The following PPP4R3A variants were observed in gnomAD, a reference collection of about 807,000 sequenced individuals.
PPP4R3A encodes the protein protein phosphatase 4 regulatory subunit 3A, also known as serine/threonine-protein phosphatase 4 regulatory subunit 3A.
PPP4R3A carries 15 observed loss-of-function variants against 91.7 expected under a neutral mutation model. The ratio of observed to expected loss-of-function variants is 0.16; its 90% CI spans 0.11 to 0.25. The LOEUF (loss-of-function observed/expected upper bound fraction) is 0.25, where lower values mean the gene tolerates loss of function less well. PPP4R3A is among the 10% of genes least tolerant of loss of function. PPP4R3A has a pLI of 1.00. For synonymous variants in PPP4R3A, 377 were observed against 348.7 expected, an observed-to-expected ratio of 1.08 and a Z score of -0.91; for missense variants, 623 against 998.4, an observed-to-expected ratio of 0.62 and a Z score of 5.07.
chr14:91,468,329 C>G (rs914717935), intron 10 of PPP4R3A, among the ~76,000 whole-genome samples: 4 of 152,146 alleles, frequency 2.6e-5, no homozygotes, highest in African/African-American at 9.7e-5. Flanking sequence ...ATGAACTGAA[C>G]TAAAGAAAAG....
At chr14:91,507,712 CTT>C (rs1156314341) in intron 1 of PPP4R3A, among the ~76,000 whole-genome samples, 1 of 70,016 alleles carries the variant, frequency 1.4e-5, no homozygotes, top group African/African-American at 5.7e-5. Flanking sequence ...CGACATTAAA[CTT>C]TTATACTTAA....
intron 1 of PPP4R3A, among the ~76,000 whole-genome samples, chr14:91,497,312 C>T (rs1278470669): frequency 6.6e-6 from 1 of 150,602 alleles, no homozygotes; most frequent in African/African-American, 2.4e-5. Flanking sequence ...GAAACAGATG[C>T]CCTTATCTCC....
In PPP4R3A at chr14:91,509,583, C is replaced by T; in HGVS notation, c.65G>A (p.Arg22Gln). Reference sequence around the variant, plus strand: ...GCCAGACGACACATGCCCGGTGCCCCGGTCGTCCCACTGCCGGTCCTCGTT... The same window carrying T: ...GCCAGACGACACATGCCCGGTGCCCTGGTCGTCCCACTGCCGGTCCTCGTT... ...TLNEDRQWDD[R>Q]GTGHVSSGYV... is the part of the protein sequence containing the mutation. Residue 22 changes from arginine to glutamine, a missense_variant, in exon 1 of 15, where the codon CGG becomes CAG. Physicochemically the swap from Arg to Gln is conservative, Grantham distance 43. This residue lies in a region of PPP4R3A where 51 missense variants were observed against 81.8 expected (regional missense o/e 0.62). Coordinates refer to ENST00000554943, the MANE Select transcript of PPP4R3A (RefSeq NM_001366432.2). 6.2e-7 allele frequency: 1 copy of T among 1,602,964 alleles called. No individual in the cohort carries two copies. The highest frequency in any genetic ancestry group is 8.5e-7 in the Non-Finnish European group (1 of 1,178,998).
intron 4 of PPP4R3A, among the ~76,000 whole-genome samples, chr14:91,479,503 G>A (rs1319787464): frequency 6.6e-6 from 1 of 151,110 alleles, no homozygotes; most frequent in Non-Finnish European, 1.5e-5. Flanking sequence ...ACATGGCTGG[G>A]ATTATAGGCA....
chr14:91,508,510 AACTT>A (rs1891552958), intron 1 of PPP4R3A, among the ~76,000 whole-genome samples: 1 of 152,228 alleles, frequency 6.6e-6, no homozygotes, highest in African/African-American at 2.4e-5. Context: ...AGTGGAAGAT[AACTT>A]ACTTTCACGT....
intron 9 of PPP4R3A, among the ~76,000 whole-genome samples, chr14:91,472,284 C>T (rs1567149614): frequency 6.6e-6 from 1 of 151,996 alleles, no homozygotes; most frequent in African/African-American, 2.4e-5. Context: ...AATCCTAGCT[C>T]TGTCTATACA....
chr14:91,474,322 T>C (rs553038033), intron 7 of PPP4R3A, among the ~76,000 whole-genome samples: 1 of 152,234 alleles, frequency 6.6e-6, no homozygotes, highest in South Asian at 2.1e-4. Context: ...CTCACCTAAG[T>C]AGTAAATAAG....
At chr14:91,471,101 AATAT>A in intron 9 of PPP4R3A, 106 bp from the exon 10 acceptor site, 1 of 1,068,030 alleles carries the variant, frequency 9.4e-7, no homozygotes. Context: ...TATTAACCTA[AATAT>A]ATTAACTTTA....
At chr14:91,466,273 C>T in intron 10 of PPP4R3A, 1 of 985,862 alleles carries the variant, frequency 1.0e-6, no homozygotes, top group Non-Finnish European at 1.2e-6. Flanking sequence ...CATGCAGTCA[C>T]ATCGTCTTCG....
chr14:91,459,579 C>T (rs1322200993), intron 14 of PPP4R3A, among the ~76,000 whole-genome samples: 1 of 151,990 alleles, frequency 6.6e-6, no homozygotes, highest in Non-Finnish European at 1.5e-5. Context: ...GTAATTCCAG[C>T]ACTTTGGGAG....
At chr14:91,489,643 G>A (rs1306758790) in intron 2 of PPP4R3A, among the ~76,000 whole-genome samples, 1 of 152,050 alleles carries the variant, frequency 6.6e-6, no homozygotes, top group African/African-American at 2.4e-5. Context: ...CTTAAGATGT[G>A]CTTTTACTCT....
chr14:91,497,012 T>A (rs2140148320), intron 1 of PPP4R3A, among the ~76,000 whole-genome samples: 1 of 152,260 alleles, frequency 6.6e-6, no homozygotes, highest in Admixed American at 6.5e-5. Flanking sequence ...GCTACAGTAT[T>A]AGGCACAGTA....
At chr14:91,461,269 G>C in intron 14 of PPP4R3A, 112 bp downstream of exon 14, 1 of 942,884 alleles carries the variant, frequency 1.1e-6, no homozygotes, top group Non-Finnish European at 1.6e-6. Flanking sequence ...TCTAGTTCAG[G>C]GATGTTAAAT....
chr14:91,478,238 C>T (rs1257605189), intron 4 of PPP4R3A, among the ~76,000 whole-genome samples: 1 of 152,184 alleles, frequency 6.6e-6, no homozygotes, highest in Non-Finnish European at 1.5e-5. Flanking sequence ...GACACATCTC[C>T]AATATACTAT....
rs1263168352 is a variant in PPP4R3A, at chr14:91,462,754, C to T, written c.1954G>A (p.Asp652Asn). The change falls in exon 12 of 15, where the codon GAT (aspartate) becomes AAT (asparagine). Residue 652 changes from aspartate (D) to asparagine (N), a missense_variant. Asp to Asn is a conservative substitution (Grantham distance 23). Around this residue, in one of 5 missense-constraint regions of PPP4R3A, gnomAD observed 201 missense variants for 229.9 expected, o/e 0.87. Transcript: ENST00000554943. ...ATTTACCTGTCAAGTTTGGGATTAT[C>T]TTGCCTTTCTCTTTGTTGTTCAAAT... ...LRFEQQRERQ[D>N]NPKLDSMRSI... 2 of 1,613,676 alleles carry T rather than the reference C, an allele frequency of 1.2e-6. No homozygotes were observed. Among genetic ancestry groups the T allele is most frequent in the East Asian group, 2.2e-5 (1 of 44,788 alleles).
chr14:91,507,640 A>ATATATATATATACACGGAATATATATAGT (rs201065747), intron 1 of PPP4R3A, among the ~76,000 whole-genome samples: 11 of 129,862 alleles, frequency 8.5e-5, no homozygotes, highest in African/African-American at 2.6e-4. Context: ...ATACTATAAT[A>ATATATATATATACACGGAATATATATAGT]ATATATACAC....
rs759027533 is a variant in PPP4R3A at position 91,458,909 on chromosome 14, AAC to A, written c.2392-42_2392-41del. ...GGATTATTTAAAGAACAGAAAATAA[AAC>A]ATATAAAAACACTGGTGTTTTCTGG... On this transcript the variant is annotated intron_variant, in intron 14 of 14. Transcript: ENST00000554943. 4 of 1,532,594 alleles carry A rather than the reference AAC, an allele frequency of 2.6e-6. No individual in the cohort carries two copies. In the African/African-American group the frequency reaches 5.6e-5, roughly 21 times the overall value. The allele number at this position is 1,532,594 out of a possible 1,614,324, so 94.9% of individuals were successfully genotyped here.
chr14:91,492,665 A>G (rs1386078089), intron 1 of PPP4R3A, among the ~76,000 whole-genome samples: 2 of 152,008 alleles, frequency 1.3e-5, no homozygotes, highest in Non-Finnish European at 2.9e-5. Flanking sequence ...AACATTCACC[A>G]TATTATTTTT....
chr14:91,475,028 A>C lies in PPP4R3A; in HGVS notation c.1266+783T>G, dbSNP rs1024473546. On this transcript the variant is annotated intron_variant, in intron 7 of 14. Coordinates refer to ENST00000554943, the MANE Select transcript of PPP4R3A (RefSeq NM_001366432.2). ...AGACAGTCTATTTTCCTATTTCGTA[A>C]AAATACCACAGGCTGGAATTCTAAA... 4.6e-5 allele frequency: 7 copies of C among 152,274 alleles called. No homozygotes were observed. In the East Asian group the frequency reaches 1.3e-3, roughly 29 times the overall value. The allele number at this position is 152,274 out of a possible 1,614,324, so 9.4% of individuals were successfully genotyped here. A position where few individuals can be genotyped will look rare whatever the true frequency, so the allele number is the denominator to read the frequency against.
Sources: gnomAD v4.1 joint callset for allele counts (sites outside exome capture counted in the v4.1 genomes callset) on GRCh38, gnomAD v4.1.1 for gene constraint, gnomAD v4.1.1 regional missense constraint, MANE v1.5 for transcripts, NCBI Gene and HGNC (gene_info 2026-07-23, HGNC 2026-07-21) for gene names.